Variants in ATXN1 observed in about 807,000 individuals in gnomAD.
ATXN1 encodes the protein ataxin-1.
ATXN1 carries 8 observed loss-of-function variants against 56.4 expected under a neutral mutation model. That is an observed-to-expected ratio of 0.14 (90% CI 0.08 to 0.26). The LOEUF is 0.26. ATXN1 is among the 10% of genes least tolerant of loss of function. The probability of loss-of-function intolerance (pLI) is 1.00; values close to 1 mark genes in which losing one functional copy is unlikely to be tolerated. For synonymous variants in ATXN1, 514 were observed against 494.6 expected (o/e 1.04, Z -0.52); for missense variants, 987 against 1,106.5 (o/e 0.89, Z 1.53).
intron 6 of ATXN1, among the ~76,000 whole-genome samples, chr6:16,373,240 G>A (rs767778320): frequency 3.3e-5 from 5 of 152,178 alleles, no homozygotes; most frequent in East Asian, 3.8e-4. Context: ...TGGTTTCTCC[G>A]TATAAACGTC....
Position 16,761,450 on chromosome 6 carries a change from G to A in ATXN1, c.-882C>T. ...ACAGGTCCTGTACGGCTCCGCCACT[G>A]TAGTAGAAATGATGTCTGCGGTATA... is the stretch of plus-strand genomic sequence containing the variant. On this transcript the variant is annotated 5_prime_UTR_variant, in exon 1 of 8. Transcript: ENST00000436367. 1 of 456,916 alleles carries A rather than the reference G, an allele frequency of 2.2e-6. No homozygotes were observed. Among genetic ancestry groups the A allele is most frequent in the South Asian group, 1.5e-5 (1 of 65,068 alleles). 28.3% of individuals were successfully genotyped at this position (456,916 alleles called of 1,614,324 possible). A position where few individuals can be genotyped will look rare whatever the true frequency, so the allele number is the denominator to read the frequency against.
At chr6:16,309,331 C>T (rs565015845) in intron 7 of ATXN1, among the ~76,000 whole-genome samples, 1 of 151,554 alleles carries the variant, frequency 6.6e-6, no homozygotes, top group South Asian at 2.1e-4. Context: ...ATCAAGAATG[C>T]AATGAGCTTT....
intron 4 of ATXN1, among the ~76,000 whole-genome samples, chr6:16,551,926 A>G (rs928208841): frequency 6.6e-6 from 1 of 152,214 alleles, no homozygotes; most frequent in Non-Finnish European, 1.5e-5. Flanking sequence ...CAAAAAGAGG[A>G]GCGTCTTTAA....
At chr6:16,508,683 G>A (rs565887538) in intron 5 of ATXN1, among the ~76,000 whole-genome samples, 15 of 152,302 alleles carry the variant, frequency 9.8e-5, no homozygotes, top group African/African-American at 3.6e-4. Context: ...GAAATGCAAA[G>A]TGGTGCAGCC....
chr6:16,465,498 C>T (rs1259902989), intron 6 of ATXN1, among the ~76,000 whole-genome samples: 2 of 151,984 alleles, frequency 1.3e-5, no homozygotes, highest in Non-Finnish European at 2.9e-5. Context: ...AGGGAAGGTG[C>T]CATAAAGATG....
intron 3 of ATXN1, among the ~76,000 whole-genome samples, chr6:16,637,449 A>T (rs546662304): frequency 1.7e-4 from 26 of 152,260 alleles, no homozygotes; most frequent in Non-Finnish European, 2.9e-4. Context: ...TACATATGTA[A>T]CAAACCTGCA....
chr6:16,718,370 C>A (rs1207559065), intron 2 of ATXN1, among the ~76,000 whole-genome samples: 1 of 152,226 alleles, frequency 6.6e-6, no homozygotes, highest in Non-Finnish European at 1.5e-5. Flanking sequence ...GCCCCCAAAC[C>A]AAGGAAGGAA....
At chr6:16,690,253 A>T (rs778677738) in intron 2 of ATXN1, among the ~76,000 whole-genome samples, 4 of 151,932 alleles carry the variant, frequency 2.6e-5, no homozygotes, top group Non-Finnish European at 4.4e-5. Flanking sequence ...CTGATTGGGT[A>T]GCCTCAAAGA....
intron 6 of ATXN1, among the ~76,000 whole-genome samples, chr6:16,478,870 A>G (rs1760379790): frequency 6.6e-6 from 1 of 152,202 alleles, no homozygotes; most frequent in Non-Finnish European, 1.5e-5. Context: ...GCTGGTGAGG[A>G]TGGCTGATGT....
chr6:16,590,032 C>T (rs1762695461), intron 3 of ATXN1, among the ~76,000 whole-genome samples: 1 of 152,130 alleles, frequency 6.6e-6, no homozygotes, highest in African/African-American at 2.4e-5. Context: ...CATTCAAGTG[C>T]TGTAAACATT....
At chr6:16,460,086 C>T (rs910502576) in intron 6 of ATXN1, among the ~76,000 whole-genome samples, 1 of 152,046 alleles carries the variant, frequency 6.6e-6, no homozygotes, top group Non-Finnish European at 1.5e-5. Flanking sequence ...ACTATGGATC[C>T]CCGGATACAG....
Position 16,562,934 on chromosome 6 carries a change from G to A in ATXN1, c.-361+22846C>T, listed in dbSNP as rs1762149273. Among the ~76,000 whole-genome samples the A allele has an allele frequency of 3.3e-5, 5 of 151,564 alleles. No homozygotes were observed. The South Asian group carries it at 1.0e-3, about 32-fold the overall frequency. On this transcript the variant is annotated intron_variant, in intron 4 of 7. Coordinates refer to ENST00000436367, the MANE Select transcript of ATXN1 (RefSeq NM_001128164.2). Reference sequence around the variant, plus strand: ...GATAATGAAAGATCAAGCAGGAGAGGGAGATAACCTAGGTGACAAAGCCTC... The same window carrying A: ...GATAATGAAAGATCAAGCAGGAGAGAGAGATAACCTAGGTGACAAAGCCTC...
intron 2 of ATXN1, among the ~76,000 whole-genome samples, chr6:16,712,159 A>G (rs577219267): frequency 6.6e-6 from 1 of 152,344 alleles, no homozygotes; most frequent in Admixed American, 6.5e-5. Flanking sequence ...GCATTCATCA[A>G]AACTCATTGC....
At position 16,732,075 on chromosome 6, in the gene ATXN1, C is replaced by T. The variant is rs574656518; in HGVS notation, c.-615+21158G>A. On this transcript the variant is annotated intron_variant, in intron 2 of 7. Coordinates refer to ENST00000436367, the MANE Select transcript of ATXN1 (RefSeq NM_001128164.2). Reference sequence around the variant, plus strand: ...ATATTTTTATAGCATGTTTTTGAGACAATGGACTAACTGCAACAAAGTGTC... The same window carrying T: ...ATATTTTTATAGCATGTTTTTGAGATAATGGACTAACTGCAACAAAGTGTC... 1.1e-4 allele frequency among the ~76,000 whole-genome samples: 17 copies of T among 152,228 alleles called. No homozygotes were observed. In the South Asian group the frequency reaches 3.5e-3, roughly 32 times the overall value.
At chr6:16,594,683 A>C (rs1046143459) in intron 3 of ATXN1, among the ~76,000 whole-genome samples, 5 of 152,012 alleles carry the variant, frequency 3.3e-5, no homozygotes, top group African/African-American at 1.2e-4. Flanking sequence ...AGGTTTCACT[A>C]TGTTGGCCAG....
intron 6 of ATXN1, among the ~76,000 whole-genome samples, chr6:16,440,090 AT>A (rs1759483715): frequency 6.6e-6 from 1 of 151,294 alleles, no homozygotes; most frequent in Admixed American, 6.6e-5. Context: ...AAAAAAAAAA[AT>A]TGAAGTGGGG....
chr6:16,461,584 G>T (rs190889039), intron 6 of ATXN1, among the ~76,000 whole-genome samples: 4 of 152,208 alleles, frequency 2.6e-5, no homozygotes, highest in African/African-American at 9.7e-5. Context: ...TTCAATACTT[G>T]TTGGTCTGTG....
intron 2 of ATXN1, among the ~76,000 whole-genome samples, chr6:16,664,390 T>G (rs756275430): frequency 2.0e-5 from 3 of 152,188 alleles, no homozygotes; most frequent in African/African-American, 4.8e-5. Flanking sequence ...AATTTTTTTG[T>G]TAACGGAAAG....
rs571183732 is a variant in ATXN1, at chr6:16,711,146, T to C, written c.-615+42087A>G. On this transcript the variant is annotated intron_variant, in intron 2 of 7. Transcript: ENST00000436367. ...TTAAAACACATATAAAACCAAATGA[T>C]TTTTGACAAAGGTGTGATGGCAATT... is the stretch of plus-strand genomic sequence containing the variant. Among the ~76,000 whole-genome samples, 107 of 152,304 alleles carry C rather than the reference T, an allele frequency of 7.0e-4. 2 individuals carry two copies. Among genetic ancestry groups the C allele is most frequent in the Admixed American group, 6.7e-3 (102 of 15,286 alleles).
Sources: allele counts gnomAD v4.1 joint callset (sites outside exome capture counted in the v4.1 genomes callset), GRCh38; gene constraint gnomAD v4.1.1; transcripts MANE v1.5; gene names NCBI Gene and HGNC (gene_info 2026-07-23, HGNC 2026-07-21).